The following DCDC2 variants were observed in gnomAD, a reference collection of about 807,000 sequenced individuals.
DCDC2 encodes doublecortin domain-containing protein 2.
In DCDC2, 40 loss-of-function variants were observed where a neutral mutation model predicts 50.2. That is an observed-to-expected ratio of 0.80 (90% confidence interval 0.62 to 1.04). DCDC2 has a LOEUF of 1.04. Among genes scored for constraint, DCDC2 ranks in the 50% least tolerant of loss-of-function variants. DCDC2 has a pLI of 0.00. For missense variants in DCDC2, 570 were observed against 581.9 expected (o/e 0.98, Z 0.21); for synonymous variants, 234 against 210.6 (o/e 1.11, Z -0.96).
At chr6:24,338,845 T>C (rs374371385) in intron 2 of DCDC2, among the ~76,000 whole-genome samples, 24 of 152,244 alleles carry the variant, frequency 1.6e-4, no homozygotes, top group African/African-American at 5.1e-4. Flanking sequence ...GGTTTCACCA[T>C]GTTGGCCAGG....
At chr6:24,226,351 C>G (rs1762234048) in intron 7 of DCDC2, among the ~76,000 whole-genome samples, 2 of 152,308 alleles carry the variant, frequency 1.3e-5, no homozygotes, top group South Asian at 4.1e-4. Flanking sequence ...ATGATTCTTT[C>G]TAAGGGCTCA....
intron 7 of DCDC2, among the ~76,000 whole-genome samples, chr6:24,270,523 G>A (rs375308324): frequency 6.6e-6 from 1 of 152,070 alleles, no homozygotes. Flanking sequence ...TACTCTGTGC[G>A]GAATGCTCTG....
At chr6:24,287,854 A>G (rs902117293) in intron 6 of DCDC2, among the ~76,000 whole-genome samples, 2 of 152,206 alleles carry the variant, frequency 1.3e-5, no homozygotes, top group Admixed American at 1.3e-4. Context: ...TGCCTTTTTA[A>G]GCTATCTTCT....
chr6:24,336,697 A>G (rs1410206349), intron 2 of DCDC2, among the ~76,000 whole-genome samples: 1 of 152,050 alleles, frequency 6.6e-6, no homozygotes, highest in South Asian at 2.1e-4. Context: ...AGCAGCCAAT[A>G]TAATGTCAGT....
Position 24,178,449 on chromosome 6 carries a change from G to T in DCDC2, c.1207C>A (p.Arg403Ser). Residue 403 changes from arginine to serine, a missense_variant, in exon 9 of 10, where the codon CGT (arginine) becomes AGT (serine). By Grantham distance (110) the Arg-to-Ser change is moderately radical. Transcript: ENST00000378454. ...DHSEQQARPA[R>S]VNGGTDEENG... Reference sequence around the variant, plus strand: ...TCCTCATCGGTGCCTCCATTTACACGAGCAGGGCGTGCCTGCTGCTCACTG... The same window carrying T: ...TCCTCATCGGTGCCTCCATTTACACTAGCAGGGCGTGCCTGCTGCTCACTG... 1 of 1,614,046 alleles carries T rather than the reference G, an allele frequency of 6.2e-7. No homozygotes were observed. Among genetic ancestry groups the T allele is most frequent in the Non-Finnish European group, 8.5e-7 (1 of 1,180,026 alleles).
At chr6:24,339,334 C>T (rs994041285) in intron 2 of DCDC2, among the ~76,000 whole-genome samples, 1 of 152,122 alleles carries the variant, frequency 6.6e-6, no homozygotes, top group Admixed American at 6.5e-5. Flanking sequence ...GGATAGCTTG[C>T]GTACGGCCCC....
At chr6:24,334,289 T>C (rs982357669) in intron 2 of DCDC2, among the ~76,000 whole-genome samples, 2 of 152,218 alleles carry the variant, frequency 1.3e-5, no homozygotes, top group African/African-American at 4.8e-5. Flanking sequence ...CACAATATGT[T>C]ATCTTGGATA....
At chr6:24,303,177 C>G (rs1759413298) in intron 2 of DCDC2, among the ~76,000 whole-genome samples, 1 of 151,944 alleles carries the variant, frequency 6.6e-6, no homozygotes, top group African/African-American at 2.4e-5. Flanking sequence ...CAGCTGCCAT[C>G]TCTCTCTTCA....
At chr6:24,377,753 C>T in the DCDC2 span, among the ~76,000 whole-genome samples, 6 of 152,178 alleles carry the variant, frequency 3.9e-5, no homozygotes, top group Admixed American at 1.3e-4. Flanking sequence ...TTTGGGAGGC[C>T]GAGGGGGGTG....
upstream of DCDC2, chr6:24,358,308 T>C (rs1385450808): frequency 3.3e-5 from 6 of 179,314 alleles, no homozygotes; most frequent in Non-Finnish European, 7.8e-5. Flanking sequence ...GGTTTTTCTT[T>C]GCTGGAAGAT....
chr6:24,268,351 G>T (rs989333135), intron 7 of DCDC2, among the ~76,000 whole-genome samples: 1 of 152,072 alleles, frequency 6.6e-6, no homozygotes, highest in African/African-American at 2.4e-5. Context: ...GCTGGATGTG[G>T]TGGCGCATGC....
intron 7 of DCDC2, among the ~76,000 whole-genome samples, chr6:24,242,310 C>G (rs1224206368): frequency 1.3e-5 from 2 of 152,120 alleles, no homozygotes; most frequent in Non-Finnish European, 2.9e-5. Flanking sequence ...GTGTTTGGCC[C>G]CCTTTGATAG....
intron 2 of DCDC2, among the ~76,000 whole-genome samples, chr6:24,319,286 GGT>G (rs1029719626): frequency 1.9e-5 from 1 of 53,534 alleles, no homozygotes; most frequent in Non-Finnish European, 4.9e-5. Flanking sequence ...TTATTTGTGG[GGT>G]TTTTTTTTTT....
chr6:24,381,803 A>AAGGAAGG, the DCDC2 span, among the ~76,000 whole-genome samples: 65 of 67,268 alleles, frequency 9.7e-4, no homozygotes, highest in African/African-American at 2.8e-3. Context: ...GGAAGGAAAG[A>AAGGAAGG]AAGGAAGGAA....
chr6:24,266,502 G>T (rs544998452), intron 7 of DCDC2, among the ~76,000 whole-genome samples: 1 of 151,968 alleles, frequency 6.6e-6, no homozygotes, highest in Non-Finnish European at 1.5e-5. Context: ...TTTAAAAATG[G>T]GCAAAACACC....
chr6:24,355,779 C>T (rs755191699), intron 1 of DCDC2, among the ~76,000 whole-genome samples: 30 of 151,944 alleles, frequency 2.0e-4, no homozygotes, highest in Non-Finnish European at 3.2e-4. Flanking sequence ...GAATGTCTGA[C>T]GTAACAAAAA....
intron 2 of DCDC2, among the ~76,000 whole-genome samples, chr6:24,321,307 A>G (rs1759770492): frequency 6.6e-6 from 1 of 152,200 alleles, no homozygotes; most frequent in Non-Finnish European, 1.5e-5. Context: ...GAATATTAAG[A>G]AACAGTATAT....
intron 7 of DCDC2, among the ~76,000 whole-genome samples, chr6:24,220,879 A>AGAGTGAGCGAGTGAGCGAGC (rs1554146330): frequency 9.3e-6 from 1 of 106,978 alleles, no homozygotes; most frequent in Admixed American, 9.3e-5. Context: ...CAAGAGAGCG[A>AGAGTGAGCGAGTGAGCGAGC]GAGCGAGAGA....
At chr6:24,281,523 GGAGAA>G (rs1364157393) in intron 6 of DCDC2, among the ~76,000 whole-genome samples, 1 of 148,830 alleles carries the variant, frequency 6.7e-6, no homozygotes, top group Non-Finnish European at 1.5e-5. Context: ...GGGTGAAGGG[GGAGAA>G]GAGAAAAAAG....
Sources: allele counts gnomAD v4.1 joint callset (sites outside exome capture counted in the v4.1 genomes callset), GRCh38; gene constraint gnomAD v4.1.1; transcripts MANE v1.5; gene names NCBI Gene and HGNC (gene_info 2026-07-23, HGNC 2026-07-21).